The following AZU1 variants were observed in gnomAD, a reference collection of about 807,000 sequenced individuals.
AZU1 encodes azurocidin 1.
A neutral mutation model predicts 17.8 loss-of-function variants in AZU1; 21 were observed. The observed-to-expected ratio is 1.18, with a 90% CI of 0.84 to 1.70. The LOEUF (loss-of-function observed/expected upper bound fraction) is 1.70, where lower values mean the gene tolerates loss of function less well. Among genes scored for constraint, AZU1 ranks in the 40% most tolerant of loss-of-function variants. The probability of loss-of-function intolerance (pLI) is 0.00; values close to 1 mark genes in which losing one functional copy is unlikely to be tolerated. For synonymous variants in AZU1, 178 were observed against 155.2 expected, an observed-to-expected ratio of 1.15 and a Z score of -1.09; for missense variants, 379 against 362.9, an observed-to-expected ratio of 1.04 and a Z score of -0.36.
chr19:828,017 C>T, intron 1 of AZU1, 113 bp downstream of exon 1: 1 of 1,447,118 alleles, frequency 6.9e-7, no homozygotes, highest in Non-Finnish European at 9.3e-7. Context: ...GGTCACACAG[C>T]CAGCCCGGCC....
intron 4 of AZU1, chr19:831,290 G>C (rs1277279920): frequency 2.1e-5 from 7 of 329,638 alleles, no homozygotes; most frequent in Non-Finnish European, 3.9e-5. Context: ...ATGTGGGTCA[G>C]GCTGGTCTCG....
intron 3 of AZU1, 24 bp from the exon 4 acceptor site, chr19:830,684 C>A: frequency 6.5e-7 from 1 of 1,536,316 alleles, no homozygotes; most frequent in Non-Finnish European, 8.7e-7. Flanking sequence ...GGCCACCCTC[C>A]CCTGACTCCA....
In AZU1 at chr19:828,392, G is replaced by A. The variant is rs371419465; in HGVS notation, c.215+6G>A. 1.3e-6 allele frequency: 2 copies of A among 1,569,752 alleles called. No homozygotes were observed. Among genetic ancestry groups the A allele is most frequent in the East Asian group, 2.3e-5 (1 of 43,546 alleles). The stretch of plus-strand genomic sequence containing the variant: ...GCCAGCTGCTTCCAAAGCCAGTGAG[G>A]GGTCCTGGGGAGGGGGCCTAGGGGG... On this transcript the variant is annotated splice_donor_region_variant and intron_variant, in intron 2 of 4. Transcript: ENST00000233997.
At chr19:829,827 ACCTGTGGCC>A in intron 3 of AZU1, 121 bp downstream of exon 3, 2 of 1,348,972 alleles carry the variant, frequency 1.5e-6, no homozygotes, top group East Asian at 2.5e-5. Context: ...GGTGGCGCGC[ACCTGTGGCC>A]CCTGTGCTTC....
rs1238444804 is a variant in AZU1 at position 831,734 on chromosome 19, C to G, written c.613C>G (p.Leu205Val). The G allele has an allele frequency of 9.3e-6, 15 of 1,608,826 alleles. No homozygotes were observed. Among genetic ancestry groups the G allele is most frequent in the Non-Finnish European group, 1.1e-5 (13 of 1,178,158 alleles). Residue 205 changes from leucine (L) to valine (V), a missense_variant, in exon 5 of 5, where the codon CTC (leucine) becomes GTC (valine). Physicochemically the swap from Leu to Val is conservative, Grantham distance 32. Transcript: ENST00000233997. ...TGCCCAGGGGGACGGGGGCACCCCC[C>G]TCGTCTGCGAGGGCCTGGCCCACGG... ...GICNGDGGTP[L>V]VCEGLAHGVA... is the part of the protein sequence containing the mutation.
rs1331784969 is a variant in AZU1, at chr19:830,755, G to T, written c.408G>T (p.Leu136=). The T allele has an allele frequency of 2.8e-5, 45 of 1,601,436 alleles. No homozygotes were observed. The highest frequency in any genetic ancestry group is 3.7e-5 in the Non-Finnish European group (44 of 1,178,618). ...CCAGCAGCGTGACGATACTGCCACT[G>T]CCTCTGCAGAACGCCACGGTGGAAG... ...NLTSSVTILP[L]PLQNATVEAG... Residue 136 remains leucine, a synonymous_variant, in exon 4 of 5, where the codon CTG becomes CTT. Coordinates refer to ENST00000233997, the MANE Select transcript of AZU1 (RefSeq NM_001700.5).
At chr19:829,936 A>ATATGTGTGTGTGTGTGTGTG (rs368933425) in intron 3 of AZU1, among the ~76,000 whole-genome samples, 9 of 137,764 alleles carry the variant, frequency 6.5e-5, no homozygotes, top group African/African-American at 2.5e-4. Flanking sequence ...AAAAATATAT[A>ATATGTGTGTGTGTGTGTGTG]TGTGTGTGTG....
In AZU1 at chr19:828,223, G is replaced by A. The variant is rs780129133; in HGVS notation, c.59-7G>A. 21 of 1,593,480 alleles carry A rather than the reference G, an allele frequency of 1.3e-5. No individual in the cohort carries two copies. In the African/African-American group the frequency reaches 1.5e-4, roughly 11 times the overall value. On this transcript the variant is annotated splice_region_variant and splice_polypyrimidine_tract_variant and intron_variant, in intron 1 of 4. Transcript: ENST00000233997. The stretch of plus-strand genomic sequence containing the variant: ...GGGGATCTCAGAGCTGTCTCCCCCC[G>A]ACCCAGGCTCCAGCCCCCTTTTGGA...
At chr19:831,678 G>C (rs1173728005) in intron 4 of AZU1, 38 bp from the exon 5 acceptor site, 1 of 1,546,542 alleles carries the variant, frequency 6.5e-7, no homozygotes, top group Admixed American at 2.0e-5. Context: ...GTGGGAGCCA[G>C]GCCCTGGGAC....
chr19:829,773 C>T, intron 3 of AZU1, 67 bp downstream of exon 3: 1 of 1,572,402 alleles, frequency 6.4e-7, no homozygotes, highest in South Asian at 1.1e-5. Flanking sequence ...GGAAACAAGT[C>T]CAAACTTGGT....
chr19:831,721 C>G lies in AZU1; in HGVS notation c.600C>G (p.Asp200Glu). The change falls in exon 5 of 5, where the codon GAC (aspartate) becomes GAG (glutamate). Residue 200 changes from aspartate (D) to glutamate (E), a missense_variant. By Grantham distance (45) the Asp-to-Glu change is conservative. Coordinates refer to ENST00000233997, the MANE Select transcript of AZU1 (RefSeq NM_001700.5). Reference protein sequence around the residue: ...LTRRGGICNGDGGTPLVCEGL... With the variant: ...LTRRGGICNGEGGTPLVCEGL... ...CACAGCTGCTGCCTGCCCAGGGGGA[C>G]GGGGGCACCCCCCTCGTCTGCGAGG... The G allele has an allele frequency of 6.2e-7, 1 of 1,603,358 alleles. No individual in the cohort carries two copies. Among genetic ancestry groups the G allele is most frequent in the Non-Finnish European group, 8.5e-7 (1 of 1,175,594 alleles).
chr19:831,787 T>G lies in AZU1; in HGVS notation c.666T>G (p.Cys222Trp). ...HGVASFSLGP[C>W]GRGPDFFTRV... ...TGGCCTCCTTTTCCCTGGGGCCCTG[T>G]GGCCGAGGCCCTGACTTCTTCACCC... is the stretch of plus-strand genomic sequence containing the variant. The change falls in exon 5 of 5, where the codon TGT becomes TGG. Residue 222 changes from cysteine to tryptophan, a missense_variant. Cys to Trp is a radical substitution (Grantham distance 215). Coordinates refer to ENST00000233997, the MANE Select transcript of AZU1 (RefSeq NM_001700.5). 6.2e-7 allele frequency: 1 copy of G among 1,612,754 alleles called. No homozygotes were observed. Among genetic ancestry groups the G allele is most frequent in the Non-Finnish European group, 8.5e-7 (1 of 1,179,816 alleles).
chr19:831,810 C>A lies in AZU1; in HGVS notation c.689C>A (p.Thr230Asn), dbSNP rs200419489. ...TGTGGCCGAGGCCCTGACTTCTTCACCCGAGTGGCGCTCTTCCGAGACTGG... is the reference window on the plus strand; with the variant it reads ...TGTGGCCGAGGCCCTGACTTCTTCAACCGAGTGGCGCTCTTCCGAGACTGG... Reference protein sequence around the residue: ...GPCGRGPDFFTRVALFRDWID... With the variant: ...GPCGRGPDFFNRVALFRDWID... The change falls in exon 5 of 5, where the codon ACC becomes AAC. Residue 230 changes from threonine (T) to asparagine (N), a missense_variant. Physicochemically the swap from Thr to Asn is moderately conservative, Grantham distance 65. Transcript: ENST00000233997. 2 of 1,612,814 alleles carry A rather than the reference C, an allele frequency of 1.2e-6. No individual in the cohort carries two copies. The highest frequency in any genetic ancestry group is 1.7e-6 in the Non-Finnish European group (2 of 1,179,834).
chr19:827,957 C>T lies in AZU1; in HGVS notation c.58+53C>T, dbSNP rs113981649. ...CCCATCTGTGCTAGGGCCCGGCTGC[C>T]AGGGCAGAACTCAGACTTAAAGCAC... On this transcript the variant is annotated intron_variant, in intron 1 of 4. Transcript: ENST00000233997. 6,171 of 1,532,712 alleles carry T rather than the reference C, an allele frequency of 4.0e-3. 99 individuals carry two copies. In the African/African-American group the frequency reaches 0.046, roughly 11 times the overall value. 94.9% of individuals were successfully genotyped at this position (1,532,712 alleles called of 1,614,324 possible).
chr19:831,146 C>T (rs1007434209), intron 4 of AZU1: 19 of 539,904 alleles, frequency 3.5e-5, no homozygotes, highest in South Asian at 8.5e-5. Context: ...GGCGTGATCT[C>T]GGCGGCTCAC....
intron 2 of AZU1, among the ~76,000 whole-genome samples, chr19:829,125 G>A (rs1185828092): frequency 9.0e-6 from 1 of 110,836 alleles, no homozygotes; most frequent in African/African-American, 3.6e-5. Context: ...AGATGGAGGA[G>A]GTGCAGAGAA....
chr19:830,883 A>C lies in AZU1; in HGVS notation c.536A>C (p.Gln179Pro). Residue 179 changes from glutamine to proline, a missense_variant, in exon 4 of 5, where the codon CAG (glutamine) becomes CCG (proline). Physicochemically the swap from Gln to Pro is moderately conservative, Grantham distance 76. Coordinates refer to ENST00000233997, the MANE Select transcript of AZU1 (RefSeq NM_001700.5). ...AACGTGACTGTGACCCCCGAGGACC[A>C]GTGTCGCCCCAACAACGTGTGCACC... is the stretch of plus-strand genomic sequence containing the variant. ...FVNVTVTPEDQCRPNNVCTGV... is the reference protein window; with the variant it reads ...FVNVTVTPEDPCRPNNVCTGV... 1 of 1,606,326 alleles carries C rather than the reference A, an allele frequency of 6.2e-7. No individual in the cohort carries two copies. The highest frequency in any genetic ancestry group is 2.2e-5 in the East Asian group (1 of 44,878).
rs752023955 is a variant in AZU1, at chr19:830,955, G to A, written c.594+14G>A. Reference sequence around the variant, plus strand: ...GGCATCTGCAATGTGAGTGCTCCCTGTGGCGGGAGGAGGGGTCCTGAGAGG... The same window carrying A: ...GGCATCTGCAATGTGAGTGCTCCCTATGGCGGGAGGAGGGGTCCTGAGAGG... On this transcript the variant is annotated intron_variant, in intron 4 of 4. Coordinates refer to ENST00000233997, the MANE Select transcript of AZU1 (RefSeq NM_001700.5). 13 of 1,597,268 alleles carry A rather than the reference G, an allele frequency of 8.1e-6. No homozygotes were observed. The South Asian group carries it at 1.4e-4, about 18-fold the overall frequency.
chr19:830,362 T>C (rs2035272730), intron 3 of AZU1, among the ~76,000 whole-genome samples: 1 of 152,248 alleles, frequency 6.6e-6, no homozygotes, highest in Admixed American at 6.5e-5. Flanking sequence ...CAAATGCTTT[T>C]GCTATGACAG....
Sources: gnomAD v4.1 joint callset for allele counts (sites outside exome capture counted in the v4.1 genomes callset) on GRCh38, gnomAD v4.1.1 for gene constraint, MANE v1.5 for transcripts, NCBI Gene and HGNC (gene_info 2026-07-23, HGNC 2026-07-21) for gene names.